The following SLC1A1 variants were observed in gnomAD, a reference collection of about 807,000 sequenced individuals.
SLC1A1 encodes the protein excitatory amino acid transporter 3.
Under a neutral mutation model 53.3 loss-of-function variants are expected in SLC1A1, and 43 were observed. That is an observed-to-expected ratio of 0.81 (90% CI 0.63 to 1.04). The LOEUF (loss-of-function observed/expected upper bound fraction) is 1.04, where lower values mean the gene tolerates loss of function less well. SLC1A1 is among the 50% of genes least tolerant of loss of function. The pLI, the probability that SLC1A1 is intolerant of heterozygous loss-of-function variation, is 0.00. For synonymous variants in SLC1A1, 307 were observed against 243.2 expected, an observed-to-expected ratio of 1.26 and a Z score of -2.44; for missense variants, 748 against 664.9, an observed-to-expected ratio of 1.12 and a Z score of -1.37.
intron 8 of SLC1A1, among the ~76,000 whole-genome samples, chr9:4,575,427 C>T (rs1820453072): frequency 6.6e-6 from 1 of 152,106 alleles, no homozygotes; most frequent in African/African-American, 2.4e-5. Context: ...GACTTTTTTC[C>T]TTACTGTAAC....
chr9:4,532,075 C>A (rs928000189), intron 1 of SLC1A1, among the ~76,000 whole-genome samples: 2 of 152,118 alleles, frequency 1.3e-5, no homozygotes, highest in South Asian at 2.1e-4. Context: ...TCATCAAAGA[C>A]CAAAGGTAGA....
At chr9:4,533,782 A>G (rs544377450) in intron 1 of SLC1A1, among the ~76,000 whole-genome samples, 6 of 151,760 alleles carry the variant, frequency 4.0e-5, no homozygotes, top group Non-Finnish European at 7.4e-5. Context: ...CACCACACCT[A>G]TTCCAAAATT....
chr9:4,526,301 T>C (rs1021143625), intron 1 of SLC1A1, among the ~76,000 whole-genome samples: 4 of 152,242 alleles, frequency 2.6e-5, no homozygotes, highest in African/African-American at 9.6e-5. Context: ...TATGGAATAC[T>C]GAACAGCACT....
In SLC1A1 at chr9:4,587,120, T is replaced by C. The variant is rs1241716441; in HGVS notation, c.*1562T>C. 2.0e-5 allele frequency: 3 copies of C among 152,642 alleles called. No homozygotes were observed. The highest frequency in any genetic ancestry group is 4.8e-5 in the African/African-American group (2 of 41,444). The allele number at this position is 152,642 out of a possible 1,614,324, so 9.5% of individuals were successfully genotyped here. ...CAGAAGAGTAGATAAGTGCTCAGTATTGACGACCTACATCTGAAATCTACA... is the reference window on the plus strand; with the variant it reads ...CAGAAGAGTAGATAAGTGCTCAGTACTGACGACCTACATCTGAAATCTACA... On this transcript the variant is annotated 3_prime_UTR_variant, in exon 12 of 12. Transcript: ENST00000262352.
chr9:4,574,112 C>G, intron 8 of SLC1A1, 98 bp downstream of exon 8: 1 of 828,894 alleles, frequency 1.2e-6, no homozygotes, highest in South Asian at 1.3e-5. Flanking sequence ...GGCTTCTGCC[C>G]TATGTGCTGG....
At chr9:4,557,569 G>A (rs1460155482) in intron 2 of SLC1A1, among the ~76,000 whole-genome samples, 1 of 151,844 alleles carries the variant, frequency 6.6e-6, no homozygotes. Context: ...GAGGATCGCT[G>A]GAGCTCAGGA....
chr9:4,490,739 G>A lies in SLC1A1; in HGVS notation c.60G>A (p.Val20=), dbSNP rs1820202247. 3.1e-6 allele frequency: 5 copies of A among 1,612,888 alleles called. No individual in the cohort carries two copies. The highest frequency in any genetic ancestry group is 4.2e-6 in the Non-Finnish European group (5 of 1,179,122). The stretch of plus-strand genomic sequence containing the variant: ...AGCGCTTCCTGAAGAATAACTGGGT[G>A]TTGCTGTCCACCGTGGCCGCGGTGG... ...EWKRFLKNNW[V]LLSTVAAVVL... Residue 20 remains valine (V), a synonymous_variant, in exon 1 of 12, where the codon GTG becomes GTA. Coordinates refer to ENST00000262352, the MANE Select transcript of SLC1A1 (RefSeq NM_004170.6).
intron 2 of SLC1A1, 132 bp from the exon 3 acceptor site, chr9:4,561,317 G>T (rs1818915923): frequency 4.0e-6 from 3 of 744,146 alleles, no homozygotes; most frequent in East Asian, 2.5e-5. Context: ...TTTGCCCATT[G>T]CATGTTATTG....
At position 4,576,657 on chromosome 9, in the gene SLC1A1, G is replaced by A. The variant is rs757336485; in HGVS notation, c.1087G>A (p.Ala363Thr). Residue 363 changes from alanine (A) to threonine (T), a missense_variant, in exon 10 of 12, where the codon GCA becomes ACA. By Grantham distance (58) the Ala-to-Thr change is moderately conservative. Transcript: ENST00000262352. ...RITRFVLPVG[A>T]TINMDGTALY... ...CACTCGATTCGTGTTACCCGTTGGT[G>A]CAACAATCAACATGGATGGGACTGC... The A allele has an allele frequency of 6.2e-7, 1 of 1,613,996 alleles. No homozygotes were observed. The highest frequency in any genetic ancestry group is 8.5e-7 in the Non-Finnish European group (1 of 1,179,954).
intron 1 of SLC1A1, among the ~76,000 whole-genome samples, chr9:4,501,278 G>A (rs1820622163): frequency 6.6e-6 from 1 of 151,218 alleles, no homozygotes; most frequent in Non-Finnish European, 1.5e-5. Flanking sequence ...CACCTCCCAG[G>A]TTCAAACAAT....
rs886304210 is a variant in SLC1A1, at chr9:4,505,384, G to T, written c.91+14614G>T. 2.6e-5 allele frequency among the ~76,000 whole-genome samples: 4 copies of T among 152,012 alleles called. No individual in the cohort carries two copies. The South Asian group carries it at 6.2e-4, about 24-fold the overall frequency. ...TTTTTTATACTGGATAGCAATATAG[G>T]GTCTTGTCTTTCACCTTTTAAGTTC... is the stretch of plus-strand genomic sequence containing the variant. On this transcript the variant is annotated intron_variant, in intron 1 of 11. Coordinates refer to ENST00000262352, the MANE Select transcript of SLC1A1 (RefSeq NM_004170.6).
chr9:4,544,265 GA>G (rs1454462217), intron 1 of SLC1A1, among the ~76,000 whole-genome samples: 2 of 152,098 alleles, frequency 1.3e-5, no homozygotes, highest in Non-Finnish European at 2.9e-5. Flanking sequence ...TGACTAAGAT[GA>G]TTTTTTTTCT....
Position 4,576,123 on chromosome 9 carries a change from G to A in SLC1A1, c.998G>A (p.Ser333Asn). 6.2e-7 allele frequency: 1 copy of A among 1,613,790 alleles called. No homozygotes were observed. The highest frequency in any genetic ancestry group is 8.5e-7 in the Non-Finnish European group (1 of 1,179,706). ...ALLTALMISS[S>N]SATLPVTFRC... ...CTGACAGCTCTCATGATCTCTTCCA[G>A]GTAAACAGAAGAGGGGTTTCTGGAA... Residue 333 changes from serine to asparagine, a missense_variant and splice_region_variant, in exon 9 of 12, where the codon AGT (serine) becomes AAT (asparagine). Physicochemically the swap from Ser to Asn is conservative, Grantham distance 46. Transcript: ENST00000262352.
intron 1 of SLC1A1, among the ~76,000 whole-genome samples, chr9:4,544,007 T>C (rs1440730304): frequency 6.6e-6 from 1 of 151,838 alleles, no homozygotes; most frequent in African/African-American, 2.4e-5. Flanking sequence ...AATGAAACCC[T>C]CTCAAGAAAA....
intron 1 of SLC1A1, among the ~76,000 whole-genome samples, chr9:4,533,779 C>G (rs974721077): frequency 6.6e-6 from 1 of 151,890 alleles, no homozygotes; most frequent in Non-Finnish European, 1.5e-5. Context: ...CAGCACCACA[C>G]CTATTCCAAA....
intron 1 of SLC1A1, among the ~76,000 whole-genome samples, chr9:4,508,536 G>A (rs1373804955): frequency 6.6e-6 from 1 of 152,204 alleles, no homozygotes; most frequent in African/African-American, 2.4e-5. Context: ...GAGGAGCTGG[G>A]CACTTGAATT....
chr9:4,508,056 C>A (rs1820862994), intron 1 of SLC1A1, among the ~76,000 whole-genome samples: 1 of 152,026 alleles, frequency 6.6e-6, no homozygotes, highest in Non-Finnish European at 1.5e-5. Flanking sequence ...AGCCAAGGGA[C>A]AGAAATTCCA....
chr9:4,557,578 G>C (rs1248487881), intron 2 of SLC1A1, among the ~76,000 whole-genome samples: 1 of 151,874 alleles, frequency 6.6e-6, no homozygotes, highest in Non-Finnish European at 1.5e-5. Flanking sequence ...TGGAGCTCAG[G>C]AGTTCAAGAC....
Position 4,490,578 on chromosome 9 carries a change from T to C in SLC1A1, c.-102T>C, listed in dbSNP as rs901810376. The C allele has an allele frequency of 1.1e-5, 10 of 901,470 alleles. No individual in the cohort carries two copies. The highest frequency in any genetic ancestry group is 1.8e-5 in the Non-Finnish European group (10 of 562,988). The allele number at this position is 901,470 out of a possible 1,614,324, so 55.8% of individuals were successfully genotyped here. A position where few individuals can be genotyped will look rare whatever the true frequency, so the allele number is the denominator to read the frequency against. On this transcript the variant is annotated 5_prime_UTR_variant, in exon 1 of 12. Transcript: ENST00000262352. Reference sequence around the variant, plus strand: ...CAGCGGCCGGCTCTCACCTCTCCCCTGTGCACCCGCATCTCGCCGCGCCGC... The same window carrying C: ...CAGCGGCCGGCTCTCACCTCTCCCCCGTGCACCCGCATCTCGCCGCGCCGC...
Sources: allele counts gnomAD v4.1 joint callset (sites outside exome capture counted in the v4.1 genomes callset), GRCh38; gene constraint gnomAD v4.1.1; transcripts MANE v1.5; gene names NCBI Gene and HGNC (gene_info 2026-07-23, HGNC 2026-07-21).